Variants in HOMEZ observed in about 807,000 individuals in gnomAD.
HOMEZ encodes the protein homeobox and leucine zipper protein Homez.
A neutral mutation model predicts 50.1 loss-of-function variants in HOMEZ; 20 were observed. That is an observed-to-expected ratio of 0.40 (90% confidence interval 0.28 to 0.58). HOMEZ has a LOEUF of 0.58. HOMEZ is among the 20% of genes least tolerant of loss of function. The probability of loss-of-function intolerance (pLI) is 0.46; values close to 1 mark genes in which losing one functional copy is unlikely to be tolerated. For synonymous variants in HOMEZ, 239 were observed against 254.7 expected (o/e 0.94, Z 0.59); for missense variants, 579 against 680.5 (o/e 0.85, Z 1.66).
At chr14:23,284,530 C>A (rs775671750) in intron 1 of HOMEZ, among the ~76,000 whole-genome samples, 59 of 152,190 alleles carry the variant, frequency 3.9e-4, no homozygotes, top group Non-Finnish European at 1.5e-4. Flanking sequence ...TGTGTGATTA[C>A]AAACCTGCTT....
chr14:23,275,296 AGCAGCT>A lies in HOMEZ; in HGVS notation c.*273_*278del. On this transcript the variant is annotated 3_prime_UTR_variant, in exon 2 of 2. Transcript: ENST00000357460. Reference sequence around the variant, plus strand: ...AAACAGCAGACACGAGGAGAGCAAGAGCAGCTTCCCAGCCCATGGTTTCCCCAGATC... The same window carrying A: ...AAACAGCAGACACGAGGAGAGCAAGATCCCAGCCCATGGTTTCCCCAGATC... 1.5e-5 allele frequency: 7 copies of A among 453,298 alleles called. No homozygotes were observed. The highest frequency in any genetic ancestry group is 1.2e-4 in the South Asian group (3 of 24,954). The allele number at this position is 453,298 out of a possible 1,614,324, so 28.1% of individuals were successfully genotyped here.
chr14:23,285,857 G>A lies in HOMEZ; in HGVS notation c.40+56C>T, dbSNP rs1886650205. 4 of 1,017,570 alleles carry A rather than the reference G, an allele frequency of 3.9e-6. No homozygotes were observed. In the South Asian group the frequency reaches 1.5e-4, roughly 38 times the overall value. 63.0% of individuals were successfully genotyped at this position (1,017,570 alleles called of 1,614,324 possible). On this transcript the variant is annotated intron_variant, in intron 1 of 1. Coordinates refer to ENST00000357460, the MANE Select transcript of HOMEZ (RefSeq NM_020834.3). ...CCAGCGCGGGGATGGGGCTCCAGAG[G>A]TGGGAGACCGTACACGAGCTGGGAG...
Position 23,276,354 on chromosome 14 carries a change from A to C in HOMEZ, c.874T>G (p.Phe292Val), listed in dbSNP as rs200239507. 1 of 1,613,836 alleles carries C rather than the reference A, an allele frequency of 6.2e-7. No homozygotes were observed. The highest frequency in any genetic ancestry group is 2.2e-5 in the East Asian group (1 of 44,890). ...GTAGCTCCATTAGCCAGTACCTGGA[A>C]AGAAGAAGAGGTAGAGGAAGAAGAG... is the stretch of plus-strand genomic sequence containing the variant. ...TPSSSSTSSS[F>V]QVLANGATAA... The change falls in exon 2 of 2, where the codon TTC (phenylalanine) becomes GTC (valine). Residue 292 changes from phenylalanine to valine, a missense_variant. Transcript: ENST00000357460. This position sits in a 1 kb window ranked among gnomAD's most constrained non-coding sequence, Gnocchi z 4.1.
In HOMEZ at chr14:23,272,663, C is replaced by G; in HGVS notation, c.*2912G>C. On this transcript the variant is annotated 3_prime_UTR_variant, in exon 2 of 2. Transcript: ENST00000357460. The stretch of plus-strand genomic sequence containing the variant: ...ATTGTCACACTAGATGTAGCAAATC[C>G]TAGTTTGGAAAAGTTAGTTATCATG... 1 of 637,658 alleles carries G rather than the reference C, an allele frequency of 1.6e-6. No homozygotes were observed. The allele number at this position is 637,658 out of a possible 1,614,324, so 39.5% of individuals were successfully genotyped here. A position where few individuals can be genotyped will look rare whatever the true frequency, so the allele number is the denominator to read the frequency against.
intron 1 of HOMEZ, among the ~76,000 whole-genome samples, chr14:23,283,768 G>A (rs542963621): frequency 3.3e-5 from 5 of 152,284 alleles, no homozygotes; most frequent in African/African-American, 9.6e-5. Context: ...GGTGGCATGC[G>A]CCTGTAGTCC....
chr14:23,286,070 A>C lies in HOMEZ; in HGVS notation c.-118T>G, dbSNP rs1566453173. On this transcript the variant is annotated 5_prime_UTR_variant, in exon 1 of 2. Coordinates refer to ENST00000357460, the MANE Select transcript of HOMEZ (RefSeq NM_020834.3). The stretch of plus-strand genomic sequence containing the variant: ...GGCCGAAACCGGGACTGCCCCCCCC[A>C]CCGTCCCCGGGAGCGCGCCGGTCTA... 1.6e-6 allele frequency: 2 copies of C among 1,230,412 alleles called. No individual in the cohort carries two copies. Among genetic ancestry groups the C allele is most frequent in the Non-Finnish European group, 2.0e-6 (2 of 987,030 alleles). 76.2% of individuals were successfully genotyped at this position (1,230,412 alleles called of 1,614,324 possible). A position where few individuals can be genotyped will look rare whatever the true frequency, so the allele number is the denominator to read the frequency against.
Position 23,275,765 on chromosome 14 carries a change from G to C in HOMEZ, c.1463C>G (p.Ser488Ter). The change falls in exon 2 of 2, where the codon TCA becomes TGA. Residue 488 changes from serine (S) to a stop codon, truncating the protein, a stop_gained. Transcript: ENST00000357460. LOFTEE classifies it high-confidence loss of function. The stretch of plus-strand genomic sequence containing the variant: ...CAGCACCTGCTGGGTGCTAAGCCTT[G>C]ATGCCTGACTCAATTGAGGGATATC... ...ETDIPQLSQA[S>*]RLSTQQVLDW... is the part of the protein sequence containing the mutation. 1 of 1,613,706 alleles carries C rather than the reference G, an allele frequency of 6.2e-7. No homozygotes were observed. Among genetic ancestry groups the C allele is most frequent in the Non-Finnish European group, 8.5e-7 (1 of 1,179,788 alleles).
At chr14:23,281,192 G>A (rs926870407) in intron 1 of HOMEZ, among the ~76,000 whole-genome samples, 4 of 152,098 alleles carry the variant, frequency 2.6e-5, no homozygotes, top group African/African-American at 4.8e-5. Flanking sequence ...CAATGTGATC[G>A]CAGGGATTTT....
chr14:23,283,064 TTG>T (rs1460039634), intron 1 of HOMEZ, among the ~76,000 whole-genome samples: 1 of 152,204 alleles, frequency 6.6e-6, no homozygotes. Context: ...TCTTGTGTTC[TTG>T]TGTGTCCATT....
chr14:23,285,152 T>C (rs1251339054), intron 1 of HOMEZ: 1 of 152,128 alleles, frequency 6.6e-6, no homozygotes, highest in African/African-American at 2.4e-5. Flanking sequence ...GTATGCATTA[T>C]CTTTAAAATT....
Position 23,285,882 on chromosome 14 carries a change from G to A in HOMEZ, c.40+31C>T, listed in dbSNP as rs1886651513. ...GTGGGAGACCGTACACGAGCTGGGA[G>A]GGGAAGTCCAAGGGGCTGGGGATCA... is the stretch of plus-strand genomic sequence containing the variant. On this transcript the variant is annotated intron_variant, in intron 1 of 1. Coordinates refer to ENST00000357460, the MANE Select transcript of HOMEZ (RefSeq NM_020834.3). The A allele has an allele frequency of 2.5e-6, 3 of 1,212,966 alleles. No individual in the cohort carries two copies. The South Asian group carries it at 1.3e-4, about 51-fold the overall frequency. 75.1% of individuals were successfully genotyped at this position (1,212,966 alleles called of 1,614,324 possible). A position where few individuals can be genotyped will look rare whatever the true frequency, so the allele number is the denominator to read the frequency against.
intron 1 of HOMEZ, among the ~76,000 whole-genome samples, chr14:23,283,943 T>A (rs1199712037): frequency 2.0e-5 from 3 of 152,150 alleles, no homozygotes; most frequent in African/African-American, 7.2e-5. Context: ...TCCTTTAGAA[T>A]TCCCTAAATC....
rs1886330629 is a variant in HOMEZ at position 23,275,619 on chromosome 14, C to T, written c.1609G>A (p.Glu537Lys). Residue 537 changes from glutamate to lysine, a missense_variant, in exon 2 of 2, where the codon GAA (glutamate) becomes AAA (lysine). Glu to Lys is a moderately conservative substitution (Grantham distance 56, BLOSUM62 1). Transcript: ENST00000357460. ...TCATCATCATCATCATCATCATCTT[C>T]CTCCTCCTCCTCCTCCTCTTCCTCA... The part of the protein sequence containing the change: ...DDEEEEEEEE[E>K]DDDDDDDDVI... 1.4e-6 allele frequency: 1 copy of T among 692,780 alleles called. No homozygotes were observed. Among genetic ancestry groups the T allele is most frequent in the South Asian group, 3.5e-5 (1 of 28,928 alleles). The allele number at this position is 692,780 out of a possible 1,614,324, so 42.9% of individuals were successfully genotyped here. A position where few individuals can be genotyped will look rare whatever the true frequency, so the allele number is the denominator to read the frequency against.
At chr14:23,280,698 T>TTATC (rs1555323513) in intron 1 of HOMEZ, among the ~76,000 whole-genome samples, 2 of 115,770 alleles carry the variant, frequency 1.7e-5, no homozygotes, top group Admixed American at 1.9e-4. Flanking sequence ...TATTTTTATT[T>TTATC]TTATATTTTT....
At chr14:23,283,488 A>T (rs565738808) in intron 1 of HOMEZ, among the ~76,000 whole-genome samples, 82 of 152,338 alleles carry the variant, frequency 5.4e-4, no homozygotes, top group African/African-American at 1.9e-3. Flanking sequence ...ATGGAAGACA[A>T]GAACGGACTG....
chr14:23,285,583 A>G (rs1253507315), intron 1 of HOMEZ: 2 of 266,318 alleles, frequency 7.5e-6, no homozygotes, highest in Admixed American at 5.4e-5. Context: ...CCTATCCTCC[A>G]TTTCACAGGC....
Position 23,275,323 on chromosome 14 carries a change from A to G in HOMEZ, c.*252T>C. On this transcript the variant is annotated 3_prime_UTR_variant, in exon 2 of 2. Coordinates refer to ENST00000357460, the MANE Select transcript of HOMEZ (RefSeq NM_020834.3). ...CAGCTTCCCAGCCCATGGTTTCCCC[A>G]GATCCTTAGCACTCCCTACCCTAAG... is the stretch of plus-strand genomic sequence containing the variant. 2.0e-5 allele frequency: 10 copies of G among 503,256 alleles called. No homozygotes were observed. Among genetic ancestry groups the G allele is most frequent in the South Asian group, 1.3e-4 (4 of 30,278 alleles). 31.2% of individuals were successfully genotyped at this position (503,256 alleles called of 1,614,324 possible). A position where few individuals can be genotyped will look rare whatever the true frequency, so the allele number is the denominator to read the frequency against.
intron 1 of HOMEZ, among the ~76,000 whole-genome samples, chr14:23,279,668 T>G (rs935565411): frequency 2.6e-5 from 4 of 152,334 alleles, no homozygotes; most frequent in African/African-American, 9.6e-5. Flanking sequence ...AATTTAGAAC[T>G]CATATCTAAT....
At chr14:23,277,235 C>A in intron 1 of HOMEZ, 48 bp from the exon 2 acceptor site, 1 of 1,453,878 alleles carries the variant, frequency 6.9e-7, no homozygotes, top group South Asian at 1.4e-5. Context: ...CCTCTTCTGA[C>A]ACACTGCTCA....
Sources: allele counts gnomAD v4.1 joint callset (sites outside exome capture counted in the v4.1 genomes callset), GRCh38; gene constraint gnomAD v4.1.1; non-coding constraint Gnocchi (gnomAD v3.1); transcripts MANE v1.5; gene names NCBI Gene and HGNC (gene_info 2026-07-23, HGNC 2026-07-21).